The following SCAI variants were observed in gnomAD, a reference collection of about 807,000 sequenced individuals.
The protein encoded by SCAI is suppressor of cancer cell invasion.
Under a neutral mutation model 92.2 loss-of-function variants are expected in SCAI, and 24 were observed. The observed-to-expected ratio is 0.26, with a 90% CI of 0.19 to 0.37. The LOEUF is 0.37. Among genes scored for constraint, SCAI ranks in the 10% least tolerant of loss-of-function variants. The pLI, the probability that SCAI is intolerant of heterozygous loss-of-function variation, is 1.00. For missense variants in SCAI, 450 were observed against 736.2 expected (o/e 0.61, Z 4.50); for synonymous variants, 261 against 258.6 (o/e 1.01, Z -0.09).
chr9:125,046,422 G>A (rs1331925330), intron 3 of SCAI, among the ~76,000 whole-genome samples: 2 of 142,650 alleles, frequency 1.4e-5, no homozygotes, highest in African/African-American at 5.2e-5. Context: ...GAAGGAATTG[G>A]AGACCATTAT....
chr9:125,027,646 A>C (rs574353964), intron 5 of SCAI, among the ~76,000 whole-genome samples: 73 of 151,568 alleles, frequency 4.8e-4, no homozygotes, highest in Admixed American at 1.4e-3. Context: ...TCAGCCTCCC[A>C]AGTAGCTGGG....
At chr9:125,076,924 A>C (rs1834102427) in intron 2 of SCAI, among the ~76,000 whole-genome samples, 1 of 151,548 alleles carries the variant, frequency 6.6e-6, no homozygotes. Flanking sequence ...TTGGTCTCGA[A>C]CTCCTGACCT....
Position 124,971,357 on chromosome 9 carries a change from G to A in SCAI, c.1674+13C>T. On this transcript the variant is annotated intron_variant, in intron 17 of 17. Transcript: ENST00000336505. ...AATGATAAAATTCGTCTTTAATAAT[G>A]TTCTTTGCCTACCCGAAAAATCTTG... The A allele has an allele frequency of 6.5e-7, 1 of 1,542,706 alleles. No homozygotes were observed. Among genetic ancestry groups the A allele is most frequent in the Non-Finnish European group, 8.9e-7 (1 of 1,123,288 alleles).
chr9:125,000,926 A>G (rs1286109450), intron 12 of SCAI, among the ~76,000 whole-genome samples: 1 of 152,188 alleles, frequency 6.6e-6, no homozygotes, highest in African/African-American at 2.4e-5. Flanking sequence ...ATGTTCAGAT[A>G]ATCTCTCTCA....
intron 2 of SCAI, among the ~76,000 whole-genome samples, chr9:125,066,518 T>C (rs1200818118): frequency 6.6e-6 from 1 of 151,816 alleles, no homozygotes; most frequent in African/African-American, 2.4e-5. Context: ...TGCAGTGGCA[T>C]GATCTCAGCT....
Position 125,027,337 on chromosome 9 carries a change from T to C in SCAI, c.414-427A>G, listed in dbSNP as rs72765246. 1.3e-5 allele frequency among the ~76,000 whole-genome samples: 2 copies of C among 152,090 alleles called. 1 individual carries two copies. Among genetic ancestry groups the C allele is most frequent in the South Asian group, 4.1e-4 (2 of 4,826 alleles). ...ATCTTCAGGGGATGTTAATGAATTA[T>C]GTTTTACAAGGGACTTTTTAAGAAA... On this transcript the variant is annotated intron_variant, in intron 5 of 17. Coordinates refer to ENST00000336505, the MANE Select transcript of SCAI (RefSeq NM_001144877.3).
Position 125,002,012 on chromosome 9 carries a change from T to C in SCAI, c.1097A>G (p.Tyr366Cys). The C allele has an allele frequency of 1.2e-6, 2 of 1,613,790 alleles. No individual in the cohort carries two copies. The highest frequency in any genetic ancestry group is 1.7e-6 in the Non-Finnish European group (2 of 1,179,738). ...GGGGAAAACGCCAGTGGCCGACAGG[T>C]AAATCAGAAGCACGCTATTGGCAGG... ...ELPANSVLLIYLSATGVFPTG... is the reference protein window; with the variant it reads ...ELPANSVLLICLSATGVFPTG... The change falls in exon 12 of 18, where the codon TAC becomes TGC. Residue 366 changes from tyrosine (Y) to cysteine (C), a missense_variant. Transcript: ENST00000336505.
intron 9 of SCAI, among the ~76,000 whole-genome samples, chr9:125,009,277 T>G (rs1832578966): frequency 6.6e-6 from 1 of 152,206 alleles, no homozygotes; most frequent in African/African-American, 2.4e-5. Context: ...TTTATTTTAT[T>G]TATTTATTTA....
At chr9:124,995,080 A>T in intron 13 of SCAI, 65 bp from the exon 14 acceptor site, 1 of 1,239,246 alleles carries the variant, frequency 8.1e-7, no homozygotes, top group Non-Finnish European at 1.2e-6. Context: ...CTTATTCTTC[A>T]GTTTGGTCTG....
At chr9:125,060,102 T>C (rs1024412787) in intron 2 of SCAI, among the ~76,000 whole-genome samples, 1 of 152,220 alleles carries the variant, frequency 6.6e-6, no homozygotes, top group Admixed American at 6.5e-5. Flanking sequence ...TATTTGTTTT[T>C]TGAAAAGTCT....
rs139568118 is a variant in SCAI, at chr9:124,998,203, G to A, written c.1244+1688C>T. The stretch of plus-strand genomic sequence containing the variant: ...ATTCAGGCCCAGCGCGGTGGCTCAT[G>A]CCTGTAATTCCAGCACTTTGGGAGG... On this transcript the variant is annotated intron_variant, in intron 13 of 17. Transcript: ENST00000336505. Among the ~76,000 whole-genome samples the A allele has an allele frequency of 4.1e-3, 627 of 152,268 alleles. 2 individuals carry two copies. The highest frequency in any genetic ancestry group is 0.014 in the African/African-American group (595 of 41,566).
At chr9:125,044,622 G>A (rs757805261) in intron 3 of SCAI, among the ~76,000 whole-genome samples, 7 of 152,050 alleles carry the variant, frequency 4.6e-5, no homozygotes, top group Non-Finnish European at 7.4e-5. Flanking sequence ...CTTCCTGGGC[G>A]CAGGACAAGA....
chr9:125,010,937 C>T (rs969187483), intron 9 of SCAI, among the ~76,000 whole-genome samples: 1 of 152,196 alleles, frequency 6.6e-6, no homozygotes, highest in Non-Finnish European at 1.5e-5. Context: ...TGGAGTGGAC[C>T]TCTAGCAAAC....
chr9:125,095,596 A>C (rs1834531161), intron 2 of SCAI, among the ~76,000 whole-genome samples: 1 of 152,248 alleles, frequency 6.6e-6, no homozygotes. Context: ...TCTTCCTTGC[A>C]TCCAGGTATG....
intron 17 of SCAI, among the ~76,000 whole-genome samples, chr9:124,961,545 G>A (rs147675188): frequency 0.014 from 2,067 of 151,684 alleles, 24 homozygotes; most frequent in Admixed American, 0.02. Flanking sequence ...AGCTACTCGG[G>A]AGGCTGAGGC....
chr9:125,115,370 C>CAAAAAAA (rs58814200), intron 2 of SCAI, among the ~76,000 whole-genome samples: 2 of 52,428 alleles, frequency 3.8e-5, no homozygotes, highest in African/African-American at 7.6e-5. Context: ...AGACTCTCCT[C>CAAAAAAA]AAAAAAAAAA....
chr9:125,002,107 A>T, intron 11 of SCAI, 64 bp from the exon 12 acceptor site: 1 of 1,111,884 alleles, frequency 9.0e-7, no homozygotes, highest in Admixed American at 1.7e-5. Flanking sequence ...GGTTTTATTT[A>T]AAGTTCATGA....
chr9:125,052,471 G>C (rs565814553), intron 3 of SCAI, among the ~76,000 whole-genome samples: 1 of 151,948 alleles, frequency 6.6e-6, no homozygotes, highest in African/African-American at 2.4e-5. Flanking sequence ...CTCGGGGTAG[G>C]GGGGCGGTGG....
At chr9:125,066,646 G>A (rs566195427) in intron 2 of SCAI, among the ~76,000 whole-genome samples, 38 of 152,026 alleles carry the variant, frequency 2.5e-4, no homozygotes, top group African/African-American at 8.7e-4. Flanking sequence ...TAGTAGATAC[G>A]GGGTTTCACT....
Sources: gnomAD v4.1 joint callset for allele counts (sites outside exome capture counted in the v4.1 genomes callset) on GRCh38, gnomAD v4.1.1 for gene constraint, MANE v1.5 for transcripts, NCBI Gene and HGNC (gene_info 2026-07-23, HGNC 2026-07-21) for gene names.